Variants in ADGRB1 observed in about 807,000 individuals in gnomAD.
The protein encoded by ADGRB1 is adhesion G protein-coupled receptor B1.
A neutral mutation model predicts 175.7 loss-of-function variants in ADGRB1; 36 were observed. The observed-to-expected ratio is 0.20, with a 90% CI of 0.16 to 0.27. ADGRB1 has a LOEUF of 0.27. Among genes scored for constraint, ADGRB1 ranks in the 10% least tolerant of loss-of-function variants. The pLI is 1.00. For missense variants in ADGRB1, 1,731 were observed against 2,255.3 expected, an observed-to-expected ratio of 0.77 and a Z score of 4.71; for synonymous variants, 1,054 against 979.4, an observed-to-expected ratio of 1.08 and a Z score of -1.42.
At chr8:142,512,171 G>GA (rs1187189794) in intron 18 of ADGRB1, among the ~76,000 whole-genome samples, 2 of 152,234 alleles carry the variant, frequency 1.3e-5, no homozygotes, top group Non-Finnish European at 2.9e-5. Context: ...GAGGCCCAGA[G>GA]AGAGGGCCTT....
At chr8:142,475,227 C>T (rs777392582) in intron 2 of ADGRB1, among the ~76,000 whole-genome samples, 51 of 152,338 alleles carry the variant, frequency 3.3e-4, no homozygotes, top group Middle Eastern at 3.4e-3. Flanking sequence ...ATCCTGGCGG[C>T]AAACCTGCCC....
intron 3 of ADGRB1, 146 bp from the exon 4 acceptor site, chr8:142,476,439 G>A (rs944082280): frequency 2.3e-5 from 16 of 699,536 alleles, no homozygotes; most frequent in Middle Eastern, 3.8e-4. Context: ...GAGGGCTGGT[G>A]CCAGGCTGGG....
At chr8:142,482,944 A>G (rs1445310382) in intron 11 of ADGRB1, among the ~76,000 whole-genome samples, 3 of 150,014 alleles carry the variant, frequency 2.0e-5, no homozygotes, top group Admixed American at 2.0e-4. Context: ...GATCCTGATC[A>G]TACACTGAGC....
chr8:142,482,041 G>T (rs62513260), intron 11 of ADGRB1, among the ~76,000 whole-genome samples: 3 of 133,488 alleles, frequency 2.2e-5, no homozygotes, highest in East Asian at 2.4e-4. Flanking sequence ...CCTGATCATA[G>T]GCTGAGCCCT....
At chr8:142,497,297 C>A (rs1041471335) in intron 17 of ADGRB1, among the ~76,000 whole-genome samples, 1 of 152,140 alleles carries the variant, frequency 6.6e-6, no homozygotes, top group Non-Finnish European at 1.5e-5. Context: ...CCTGCCCAAG[C>A]GAGCATCCTG....
intron 27 of ADGRB1, among the ~76,000 whole-genome samples, chr8:142,540,967 G>T (rs1845237012): frequency 6.6e-6 from 1 of 152,068 alleles, no homozygotes; most frequent in Non-Finnish European, 1.5e-5. Flanking sequence ...TAGGCAGCTT[G>T]GGGGGCATTG....
chr8:142,514,642 T>C (rs1332861372), intron 18 of ADGRB1, among the ~76,000 whole-genome samples: 1 of 152,114 alleles, frequency 6.6e-6, no homozygotes, highest in Non-Finnish European at 1.5e-5. Flanking sequence ...TGGGGCTCAG[T>C]GTATGACCAG....
chr8:142,515,860 G>A (rs971523557), intron 18 of ADGRB1, among the ~76,000 whole-genome samples: 2 of 152,252 alleles, frequency 1.3e-5, no homozygotes, highest in African/African-American at 2.4e-5. Flanking sequence ...GAGTGGTGCT[G>A]AGCAGAGTTT....
intron 20 of ADGRB1, among the ~76,000 whole-genome samples, chr8:142,521,376 C>T (rs557548816): frequency 6.6e-6 from 1 of 152,330 alleles, no homozygotes; most frequent in Admixed American, 6.5e-5. Flanking sequence ...TCCCCAGACC[C>T]CCTATCCCTG....
chr8:142,477,215 A>G lies in ADGRB1; in HGVS notation c.1159A>G (p.Ser387Gly). 6.3e-7 allele frequency: 1 copy of G among 1,597,800 alleles called. No homozygotes were observed. Among genetic ancestry groups the G allele is most frequent in the Non-Finnish European group, 8.5e-7 (1 of 1,177,044 alleles). Residue 387 changes from serine to glycine, a missense_variant, in exon 5 of 31, where the codon AGC becomes GGC. Transcript: ENST00000517894. ...GCGCTTCTGCGTGTCCTCCTCCTAC[A>G]GCACGCAGTGCAGCGGACCCCTGCG... ...RTRFCVSSSY[S>G]TQCSGPLREQ...
At position 142,544,481 on chromosome 8, in the gene ADGRB1, G is replaced by C. The variant is rs1228178303; in HGVS notation, c.*64G>C. The C allele has an allele frequency of 1.4e-6, 2 of 1,408,336 alleles. No homozygotes were observed. Among genetic ancestry groups the C allele is most frequent in the Non-Finnish European group, 1.8e-6 (2 of 1,083,232 alleles). The allele number at this position is 1,408,336 out of a possible 1,614,324, so 87.2% of individuals were successfully genotyped here. ...GGATGCTGCTCCGCCCGCTCCTGCC[G>C]CAGACGGGCACAGACACGCTCGCGG... On this transcript the variant is annotated 3_prime_UTR_variant, in exon 31 of 31. Transcript: ENST00000517894.
At chr8:142,488,287 A>G (rs1841793680) in intron 13 of ADGRB1, 77 bp from the exon 14 acceptor site, 3 of 1,561,578 alleles carry the variant, frequency 1.9e-6, no homozygotes, top group East Asian at 2.3e-5. Flanking sequence ...CTGCACCTCA[A>G]CTCCCGCAGC....
chr8:142,492,143 A>G lies in ADGRB1; in HGVS notation c.2675+1328A>G, dbSNP rs1842010619. The stretch of plus-strand genomic sequence containing the variant: ...TGCCACCACCCTCCACCCACCAACC[A>G]TCAACCCTCTCCTTCGTCCACCTGT... On this transcript the variant is annotated intron_variant, in intron 17 of 30. Transcript: ENST00000517894. The surrounding 1 kb of genome is among the most constrained non-coding windows in gnomAD (Gnocchi z 4.4). Among the ~76,000 whole-genome samples the G allele has an allele frequency of 6.6e-6, 1 of 151,614 alleles. No homozygotes were observed. The highest frequency in any genetic ancestry group is 2.4e-5 in the African/African-American group (1 of 41,242).
chr8:142,543,864 C>G lies in ADGRB1; in HGVS notation c.4557+156C>G, dbSNP rs1845436606. 6.6e-6 allele frequency among the ~76,000 whole-genome samples: 1 copy of G among 152,162 alleles called. No homozygotes were observed. The highest frequency in any genetic ancestry group is 1.5e-5 in the Non-Finnish European group (1 of 68,028). The stretch of plus-strand genomic sequence containing the variant: ...CGCCCATCCCTGAGGGCTGGCCTGA[C>G]CCTGCCATGCCAGACTCTGGAGGCC... On this transcript the variant is annotated intron_variant, in intron 30 of 30. Transcript: ENST00000517894. The surrounding 1 kb of genome is among the most constrained non-coding windows in gnomAD (Gnocchi z 4.4).
chr8:142,456,637 A>G (rs112278863), intron 1 of ADGRB1, among the ~76,000 whole-genome samples: 22,275 of 152,244 alleles, frequency 0.15, 1,798 homozygotes, highest in East Asian at 0.21. Context: ...CCCTCCTTGC[A>G]CCGAGGCTGC....
At position 142,464,071 on chromosome 8, in the gene ADGRB1, T is replaced by TC; in HGVS notation, c.-125dup. 3.4e-5 allele frequency: 15 copies of TC among 437,406 alleles called. No homozygotes were observed. The highest frequency in any genetic ancestry group is 7.0e-5 in the East Asian group (1 of 14,242). 27.1% of individuals were successfully genotyped at this position (437,406 alleles called of 1,614,324 possible). A position where few individuals can be genotyped will look rare whatever the true frequency, so the allele number is the denominator to read the frequency against. Reference sequence around the variant, plus strand: ...TCACCTGAAGCGGGGCCCTCTCCCATCCCACCCTTGCCCCGCCTCCCTGCC... The same window carrying TC: ...TCACCTGAAGCGGGGCCCTCTCCCATCCCCACCCTTGCCCCGCCTCCCTGCC... On this transcript the variant is annotated 5_prime_UTR_variant, in exon 2 of 31. Coordinates refer to ENST00000517894, the MANE Select transcript of ADGRB1 (RefSeq NM_001702.3).
At chr8:142,533,201 G>T in intron 24 of ADGRB1, 94 bp from the exon 25 acceptor site, 1 of 1,314,872 alleles carries the variant, frequency 7.6e-7, no homozygotes. Flanking sequence ...ACTTAGGGCT[G>T]GGTCCCCACC....
chr8:142,470,755 G>A (rs947916507), intron 2 of ADGRB1, among the ~76,000 whole-genome samples: 4 of 152,164 alleles, frequency 2.6e-5, no homozygotes, highest in African/African-American at 4.8e-5. Flanking sequence ...TGGCCGAGGG[G>A]CTGTGACCGG....
intron 24 of ADGRB1, among the ~76,000 whole-genome samples, chr8:142,528,453 G>T (rs193060034): frequency 1.7e-3 from 256 of 152,308 alleles, no homozygotes; most frequent in African/African-American, 5.8e-3. Context: ...GACTCCTGAG[G>T]GGCTGGTTTT....
Sources: allele counts gnomAD v4.1 joint callset (sites outside exome capture counted in the v4.1 genomes callset), GRCh38; gene constraint gnomAD v4.1.1; non-coding constraint Gnocchi (gnomAD v3.1); transcripts MANE v1.5; gene names NCBI Gene and HGNC (gene_info 2026-07-23, HGNC 2026-07-21).